MRO: variants seen among roughly 807,000 people sequenced by gnomAD.
MRO encodes protein maestro.
Under a neutral mutation model 31.0 loss-of-function variants are expected in MRO, and 28 were observed. The ratio of observed to expected loss-of-function variants is 0.90; its 90% CI spans 0.67 to 1.24. MRO has a LOEUF of 1.24. Ranked by LOEUF, MRO falls within the 50% of genes most tolerant of loss-of-function variation. The probability of loss-of-function intolerance (pLI) is 0.00; values close to 1 mark genes in which losing one functional copy is unlikely to be tolerated. For synonymous variants in MRO, 108 were observed against 108.4 expected (o/e 1.00, Z 0.02); for missense variants, 332 against 289.2 (o/e 1.15, Z -1.07).
rs964336044 is a variant in MRO at position 50,815,473 on chromosome 18, A to T, written c.-5+4108T>A. 7.2e-5 allele frequency: 21 copies of T among 292,304 alleles called. 1 individual carries two copies. Among genetic ancestry groups the T allele is most frequent in the South Asian group, 5.3e-4 (14 of 26,356 alleles). The allele number at this position is 292,304 out of a possible 1,614,324, so 18.1% of individuals were successfully genotyped here. A position where few individuals can be genotyped will look rare whatever the true frequency, so the allele number is the denominator to read the frequency against. ...GTGGTGATCCTGGTCGTAATAGTAG[A>T]GGGGGCCGTGGTGGTGGTGGACCAG... is the stretch of plus-strand genomic sequence containing the variant. On this transcript the variant is annotated intron_variant, in intron 2 of 7. Coordinates refer to ENST00000398439, the MANE Select transcript of MRO (RefSeq NM_031939.6).
chr18:50,798,761 T>C lies in MRO; in HGVS notation c.*576A>G, dbSNP rs1913001138. ...ATTTTTTTCTCTCTATTAATTCTTG[T>C]TTAGCATGATCTTGAAAGCAATGAC... On this transcript the variant is annotated 3_prime_UTR_variant, in exon 8 of 8. Transcript: ENST00000398439. 6.6e-6 allele frequency: 1 copy of C among 152,308 alleles called. No homozygotes were observed. The highest frequency in any genetic ancestry group is 2.4e-5 in the African/African-American group (1 of 41,428). The allele number at this position is 152,308 out of a possible 1,614,324, so 9.4% of individuals were successfully genotyped here.
At chr18:50,812,085 C>G (rs897342799) in intron 2 of MRO, among the ~76,000 whole-genome samples, 3 of 152,126 alleles carry the variant, frequency 2.0e-5, no homozygotes, top group Non-Finnish European at 2.9e-5. Flanking sequence ...AACCACCAAA[C>G]TGTTTTCCAC....
rs576810335 is a variant in MRO, at chr18:50,811,153, T to C, written c.-4-1749A>G. Among the ~76,000 whole-genome samples, 99 of 152,342 alleles carry C rather than the reference T, an allele frequency of 6.5e-4. 1 individual carries two copies. The highest frequency in any genetic ancestry group is 3.4e-3 in the Middle Eastern group (1 of 294). On this transcript the variant is annotated intron_variant, in intron 2 of 7. Coordinates refer to ENST00000398439, the MANE Select transcript of MRO (RefSeq NM_031939.6). ...CTACAGAGGCTAGCTAAAGGCCAGC[T>C]GTGGAGGACTCTGACTTCTAAAGAG...
intron 5 of MRO, among the ~76,000 whole-genome samples, chr18:50,802,366 A>G (rs1008686245): frequency 1.3e-5 from 2 of 152,114 alleles, no homozygotes; most frequent in African/African-American, 4.8e-5. Flanking sequence ...TTTCTTTCCA[A>G]GGTGAGCTGT....
chr18:50,815,054 C>A lies in MRO; in HGVS notation c.-5+4527G>T, dbSNP rs371597521. On this transcript the variant is annotated intron_variant, in intron 2 of 7. Coordinates refer to ENST00000398439, the MANE Select transcript of MRO (RefSeq NM_031939.6). ...CCAGCTGGGTGATAGAGCAAGACTT[C>A]GTCTCAAAAAATAATAATAAAAAAT... 4.1e-5 allele frequency: 7 copies of A among 171,982 alleles called. No homozygotes were observed. In the East Asian group the frequency reaches 1.3e-3, roughly 31 times the overall value. The allele number at this position is 171,982 out of a possible 1,614,324, so 10.7% of individuals were successfully genotyped here.
At position 50,801,518 on chromosome 18, in the gene MRO, C is replaced by A. The variant is rs754052527; in HGVS notation, c.430-14G>T. 6.4e-7 allele frequency: 1 copy of A among 1,572,038 alleles called. No individual in the cohort carries two copies. Among genetic ancestry groups the A allele is most frequent in the Non-Finnish European group, 8.6e-7 (1 of 1,159,848 alleles). On this transcript the variant is annotated splice_polypyrimidine_tract_variant and intron_variant, in intron 5 of 7. Coordinates refer to ENST00000398439, the MANE Select transcript of MRO (RefSeq NM_031939.6). ...ACTGTCGTTCTCCTGCGGTCCCCAT[C>A]AACAAAACAATAAGAAAGCCAGATC...
chr18:50,809,623 C>T (rs2144633768), intron 2 of MRO, among the ~76,000 whole-genome samples: 1 of 151,130 alleles, frequency 6.6e-6, no homozygotes, highest in South Asian at 2.1e-4. Context: ...CAAGGGGGAT[C>T]TGCCCTCTAG....
chr18:50,800,334 G>A (rs142081724), intron 6 of MRO, among the ~76,000 whole-genome samples, 191 bp from the exon 7 acceptor site: 34 of 152,260 alleles, frequency 2.2e-4, no homozygotes, highest in African/African-American at 8.2e-4. Flanking sequence ...CTATAATTTG[G>A]GGACTGGTGG....
intron 5 of MRO, among the ~76,000 whole-genome samples, chr18:50,804,020 GT>G (rs1913674143): frequency 6.6e-6 from 1 of 151,300 alleles, no homozygotes; most frequent in African/African-American, 2.4e-5. Context: ...TGGTAGTTGA[GT>G]GTAGCCCTAT....
At chr18:50,799,809 G>T (rs556883443) in intron 7 of MRO, among the ~76,000 whole-genome samples, 1 of 152,202 alleles carries the variant, frequency 6.6e-6, no homozygotes, top group Non-Finnish European at 1.5e-5. Flanking sequence ...TACTCAAGAA[G>T]CTGAGGCACG....
intron 5 of MRO, 72 bp downstream of exon 5, chr18:50,805,082 C>T: frequency 7.4e-7 from 1 of 1,344,396 alleles, no homozygotes; most frequent in Non-Finnish European, 1.1e-6. Context: ...TGAGCCACCG[C>T]ACCCGGCCCC....
intron 3 of MRO, 23 bp downstream of exon 3, chr18:50,809,279 G>T: frequency 1.9e-6 from 3 of 1,563,408 alleles, no homozygotes; most frequent in Non-Finnish European, 2.6e-6. Flanking sequence ...GGAGAAATTT[G>T]TTCATAATAT....
rs1449620433 is a variant in MRO, at chr18:50,819,574, C to A, written c.-5+7G>T. The A allele has an allele frequency of 6.4e-7, 1 of 1,551,646 alleles. No homozygotes were observed. The highest frequency in any genetic ancestry group is 2.4e-5 in the East Asian group (1 of 40,912). On this transcript the variant is annotated splice_region_variant and intron_variant, in intron 2 of 7. Transcript: ENST00000398439. ...ATCTGGCTGCCCCGGCCAACAGTGT[C>A]CCTTACCTGCGGCTCCTGCAGGCGG...
chr18:50,824,744 A>G (rs1386189428), upstream of MRO, among the ~76,000 whole-genome samples: 1 of 146,272 alleles, frequency 6.8e-6, no homozygotes, highest in Non-Finnish European at 1.5e-5. Flanking sequence ...ATGAGCCACC[A>G]CATTCAGCCA....
At chr18:50,803,050 A>G (rs1019515787) in intron 5 of MRO, among the ~76,000 whole-genome samples, 2 of 152,116 alleles carry the variant, frequency 1.3e-5, no homozygotes, top group African/African-American at 4.8e-5. Context: ...TCTGACAACC[A>G]TCTAACTGGG....
intron 2 of MRO, among the ~76,000 whole-genome samples, chr18:50,811,640 A>AT (rs1460083762): frequency 1.3e-5 from 2 of 149,936 alleles, no homozygotes; most frequent in Non-Finnish European, 3.0e-5. Flanking sequence ...TGTTTTGGCT[A>AT]TTTTGAATAA....
At chr18:50,823,425 A>G (rs772602879), upstream of MRO, among the ~76,000 whole-genome samples, 4 of 152,208 alleles carry the variant, frequency 2.6e-5, no homozygotes, top group Non-Finnish European at 5.9e-5. Flanking sequence ...TCCAAACTCT[A>G]TAAACAGTAA....
intron 2 of MRO, chr18:50,819,336 A>G (rs1915185855): frequency 8.6e-6 from 6 of 701,164 alleles, no homozygotes; most frequent in Non-Finnish European, 8.8e-6. Context: ...ATTGCTGACA[A>G]TAGAATGATC....
rs1478760079 is a variant in MRO, at chr18:50,819,980, C to T, written c.-210G>A. The T allele has an allele frequency of 1.3e-6, 2 of 1,550,464 alleles. No individual in the cohort carries two copies. The highest frequency in any genetic ancestry group is 1.4e-5 in the African/African-American group (1 of 72,954). On this transcript the variant is annotated 5_prime_UTR_variant, in exon 1 of 8. Transcript: ENST00000398439. ...CCTTCTTCCCTCATGCCAGCCTGGT[C>T]GACACTTTCTGCAGAAATTCTGCAG...
Sources: allele counts gnomAD v4.1 joint callset (sites outside exome capture counted in the v4.1 genomes callset), GRCh38; gene constraint gnomAD v4.1.1; transcripts MANE v1.5; gene names NCBI Gene and HGNC (gene_info 2026-07-23, HGNC 2026-07-21).